The following GALNT16 variants were observed in gnomAD, a reference collection of about 807,000 sequenced individuals.
The protein encoded by GALNT16 is UDP-GalNAc:polypeptide N-acetylgalactosaminyltransferase-like protein 1.
Under a neutral mutation model 76.1 loss-of-function variants are expected in GALNT16, and 40 were observed. That is an observed-to-expected ratio of 0.53 (90% CI 0.41 to 0.68). The LOEUF (loss-of-function observed/expected upper bound fraction) is 0.68, where lower values mean the gene tolerates loss of function less well. Among genes scored for constraint, GALNT16 ranks in the 30% least tolerant of loss-of-function variants. The pLI is 0.00. For synonymous variants in GALNT16, 276 were observed against 285.2 expected (o/e 0.97, Z 0.32); for missense variants, 621 against 731.9 (o/e 0.85, Z 1.75).
chr14:69,382,706 G>A, the GALNT16 span, among the ~76,000 whole-genome samples: 16 of 151,526 alleles, frequency 1.1e-4, no homozygotes, highest in African/African-American at 3.9e-4. Flanking sequence ...GGGCGTGGTG[G>A]CGCGCACCTG....
At chr14:69,371,925 C>T in the GALNT16 span, among the ~76,000 whole-genome samples, 2 of 151,770 alleles carry the variant, frequency 1.3e-5, no homozygotes, top group African/African-American at 2.4e-5. Flanking sequence ...GCCTGGGCGA[C>T]AGAGCAAGAC....
At chr14:69,299,304 C>A (rs1001140003) in intron 1 of GALNT16, among the ~76,000 whole-genome samples, 3 of 152,222 alleles carry the variant, frequency 2.0e-5, no homozygotes, top group African/African-American at 7.2e-5. Context: ...GCTGTTCTCA[C>A]TTCATTTGCT....
the GALNT16 span, among the ~76,000 whole-genome samples, chr14:69,383,316 C>T: frequency 6.3e-3 from 954 of 152,288 alleles, 7 homozygotes; most frequent in African/African-American, 0.022. Context: ...TTTCCACCTA[C>T]GCTGTTTAAA....
At chr14:69,342,606 T>C (rs1036181896) in intron 12 of GALNT16, among the ~76,000 whole-genome samples, 6 of 151,946 alleles carry the variant, frequency 3.9e-5, no homozygotes, top group African/African-American at 1.5e-4. Flanking sequence ...TAAACAAATA[T>C]TATGCACCCA....
At chr14:69,291,697 G>A (rs951178788) in intron 1 of GALNT16, among the ~76,000 whole-genome samples, 10 of 152,184 alleles carry the variant, frequency 6.6e-5, no homozygotes, top group African/African-American at 2.4e-4. Context: ...AGGTCATGTG[G>A]AACAGGAGTT....
intron 9 of GALNT16, among the ~76,000 whole-genome samples, chr14:69,335,570 A>G (rs1019698836): frequency 1.3e-5 from 2 of 152,178 alleles, no homozygotes; most frequent in African/African-American, 4.8e-5. Flanking sequence ...GTGAATGATC[A>G]AACAGCTCAT....
At chr14:69,385,073 G>T in the GALNT16 span, among the ~76,000 whole-genome samples, 2 of 152,112 alleles carry the variant, frequency 1.3e-5, no homozygotes, top group African/African-American at 2.4e-5. Context: ...ATCTACCTCT[G>T]TTTCCAGCAC....
rs140042120 is a variant in GALNT16, at chr14:69,261,708, T to C, written c.177+1241T>C. Among the ~76,000 whole-genome samples, 21 of 152,170 alleles carry C rather than the reference T, an allele frequency of 1.4e-4. No homozygotes were observed. The East Asian group carries it at 1.7e-3, about 13-fold the overall frequency. On this transcript the variant is annotated intron_variant, in intron 1 of 14. Coordinates refer to ENST00000448469, the MANE Select transcript of GALNT16 (RefSeq NM_001168368.2). This position sits in a 1 kb window ranked among gnomAD's most constrained non-coding sequence, Gnocchi z 6.4. The stretch of plus-strand genomic sequence containing the variant: ...AACCCCAGGAATATCGGGAAGTTCA[T>C]TGGAGAGTGTCCCCTCATATTCCCA...
the GALNT16 span, among the ~76,000 whole-genome samples, chr14:69,364,755 A>T: frequency 3.3e-5 from 5 of 152,186 alleles, no homozygotes; most frequent in African/African-American, 1.2e-4. The surrounding 1 kb of genome is among the most constrained non-coding windows in gnomAD (Gnocchi z 4.2). Context: ...CTTGCTTAGG[A>T]GCCACTCACA....
At chr14:69,330,048 A>G (rs1478351650) in intron 6 of GALNT16, among the ~76,000 whole-genome samples, 2 of 152,258 alleles carry the variant, frequency 1.3e-5, no homozygotes, top group African/African-American at 4.8e-5. Flanking sequence ...AAGTTTGAAC[A>G]TAAGTTAGTT....
the GALNT16 span, among the ~76,000 whole-genome samples, chr14:69,386,043 T>C: frequency 5.3e-5 from 8 of 152,236 alleles, no homozygotes; most frequent in African/African-American, 1.9e-4. Context: ...GTTTTTCCTA[T>C]AGATGTCTGA....
the GALNT16 span, among the ~76,000 whole-genome samples, chr14:69,373,768 C>G: frequency 6.6e-6 from 1 of 150,824 alleles, no homozygotes; most frequent in Non-Finnish European, 1.5e-5. Context: ...TTCTCTCTCT[C>G]TTTCTCTCTT....
chr14:69,275,737 G>A (rs2044463430), intron 1 of GALNT16, among the ~76,000 whole-genome samples: 1 of 152,226 alleles, frequency 6.6e-6, no homozygotes, highest in African/African-American at 2.4e-5. Context: ...CATGCACCGA[G>A]TAGTCCCAGC....
At chr14:69,275,041 C>A (rs1192631641) in intron 1 of GALNT16, among the ~76,000 whole-genome samples, 1 of 152,208 alleles carries the variant, frequency 6.6e-6, no homozygotes, top group Non-Finnish European at 1.5e-5. Flanking sequence ...GTTCCCTTAT[C>A]TCTTCAAGTC....
intron 1 of GALNT16, among the ~76,000 whole-genome samples, chr14:69,297,761 T>C (rs2044788528): frequency 6.6e-6 from 1 of 152,136 alleles, no homozygotes; most frequent in Non-Finnish European, 1.5e-5. Flanking sequence ...TCATTCTCAG[T>C]TCTTCTAAGT....
At chr14:69,285,777 C>T (rs2044603056) in intron 1 of GALNT16, among the ~76,000 whole-genome samples, 1 of 152,166 alleles carries the variant, frequency 6.6e-6, no homozygotes, top group South Asian at 2.1e-4. Flanking sequence ...ATCTGTCCCT[C>T]AGGGACGGTG....
chr14:69,292,997 T>C (rs192302427), intron 1 of GALNT16, among the ~76,000 whole-genome samples: 133 of 152,384 alleles, frequency 8.7e-4, no homozygotes, highest in African/African-American at 3.0e-3. Context: ...ACTGAACCTA[T>C]TAATCCCTCA....
the GALNT16 span, among the ~76,000 whole-genome samples, chr14:69,370,724 A>C: frequency 6.6e-6 from 1 of 152,188 alleles, no homozygotes; most frequent in African/African-American, 2.4e-5. Context: ...TATACACTCT[A>C]AAAGAGAATT....
At chr14:69,265,622 C>T (rs192448296) in intron 1 of GALNT16, among the ~76,000 whole-genome samples, 1 of 152,358 alleles carries the variant, frequency 6.6e-6, no homozygotes, top group East Asian at 1.9e-4. Flanking sequence ...CTGTCTGCTT[C>T]TTGAGGAGAC....
Sources: allele counts gnomAD v4.1 joint callset (sites outside exome capture counted in the v4.1 genomes callset), GRCh38; gene constraint gnomAD v4.1.1; non-coding constraint Gnocchi (gnomAD v3.1); transcripts MANE v1.5; gene names NCBI Gene and HGNC (gene_info 2026-07-23, HGNC 2026-07-21).